The following MORF4L1 variants were observed in gnomAD, a reference collection of about 807,000 sequenced individuals.
The protein encoded by MORF4L1 is mortality factor 4 like 1, also known as mortality factor 4-like protein 1.
MORF4L1 carries 4 observed loss-of-function variants against 52.9 expected under a neutral mutation model. The ratio of observed to expected loss-of-function variants is 0.08; its 90% CI spans 0.04 to 0.17. The LOEUF (loss-of-function observed/expected upper bound fraction) is 0.17, where lower values mean the gene tolerates loss of function less well. Ranked by LOEUF, MORF4L1 falls within the 10% of genes least tolerant of loss-of-function variation. MORF4L1 has a pLI of 1.00. For missense variants in MORF4L1, 214 were observed against 390.4 expected (o/e 0.55, Z 3.81); for synonymous variants, 123 against 134.8 (o/e 0.91, Z 0.61).
At chr15:78,887,421 CTG>C (rs1339686655) in intron 5 of MORF4L1, 72 bp downstream of exon 5, 11 of 1,361,132 alleles carry the variant, frequency 8.1e-6, no homozygotes, top group South Asian at 4.1e-5. Flanking sequence ...GTGTGTTAGA[CTG>C]TGTTGAAGTG....
Position 78,878,334 on chromosome 15 carries a change from G to C in MORF4L1, c.87+75G>C. 4 of 1,349,344 alleles carry C rather than the reference G, an allele frequency of 3.0e-6. No individual in the cohort carries two copies. In the South Asian group the frequency reaches 5.4e-5, roughly 18 times the overall value. The allele number at this position is 1,349,344 out of a possible 1,614,324, so 83.6% of individuals were successfully genotyped here. A position where few individuals can be genotyped will look rare whatever the true frequency, so the allele number is the denominator to read the frequency against. ...TCTGGCCATTTAATATACAAGTACA[G>C]TATTTTGTTGTTGCCTCAGTAAGAG... is the stretch of plus-strand genomic sequence containing the variant. On this transcript the variant is annotated intron_variant, in intron 2 of 11. Coordinates refer to ENST00000426013, the MANE Select transcript of MORF4L1 (RefSeq NM_006791.4).
chr15:78,874,779 C>T (rs541491776), intron 1 of MORF4L1, among the ~76,000 whole-genome samples: 2 of 130,672 alleles, frequency 1.5e-5, no homozygotes, highest in South Asian at 4.6e-4. Flanking sequence ...GTTGACTCTA[C>T]CTCCTATGGG....
chr15:78,886,316 G>T, intron 4 of MORF4L1, 89 bp downstream of exon 4: 2 of 1,139,528 alleles, frequency 1.8e-6, no homozygotes, highest in Non-Finnish European at 2.6e-6. Context: ...CATGTTGGCT[G>T]CCCTGCCTAT....
rs780451975 is a variant in MORF4L1, at chr15:78,893,499, AAG to A, written c.541-35_541-34del. On this transcript the variant is annotated intron_variant, in intron 8 of 11. Coordinates refer to ENST00000426013, the MANE Select transcript of MORF4L1 (RefSeq NM_006791.4). ...TGCCTGGTATGATTTTTCTTTAAAA[AAG>A]AGAGTGCTTATATTTAAGCATATTT... 511 of 1,368,286 alleles carry A rather than the reference AAG, an allele frequency of 3.7e-4. 2 individuals carry two copies. Among genetic ancestry groups the A allele is most frequent in the Middle Eastern group, 3.4e-3 (19 of 5,552 alleles). The allele number at this position is 1,368,286 out of a possible 1,614,324, so 84.8% of individuals were successfully genotyped here. A position where few individuals can be genotyped will look rare whatever the true frequency, so the allele number is the denominator to read the frequency against.
At chr15:78,892,339 T>C in intron 8 of MORF4L1, 26 bp downstream of exon 8, 2 of 1,524,506 alleles carry the variant, frequency 1.3e-6, no homozygotes, top group Non-Finnish European at 1.8e-6. Context: ...ACCCAGATTG[T>C]TAAGCTATAT....
intron 3 of MORF4L1, among the ~76,000 whole-genome samples, chr15:78,881,282 G>A (rs905075546): frequency 1.6e-5 from 2 of 128,844 alleles, no homozygotes; most frequent in Non-Finnish European, 3.1e-5. Context: ...TGCAACCTCC[G>A]CCTCAGGGGT....
At chr15:78,881,188 C>CTTTTTTTTTTTT (rs777713555) in intron 3 of MORF4L1, among the ~76,000 whole-genome samples, 1 of 13,760 alleles carries the variant, frequency 7.3e-5, no homozygotes, top group Non-Finnish European at 1.3e-4. Flanking sequence ...AAGAGTTAAG[C>CTTTTTTTTTTTT]CTTTTTTTTT....
intron 1 of MORF4L1, among the ~76,000 whole-genome samples, chr15:78,877,519 A>C (rs1017624684): frequency 1.3e-5 from 2 of 152,232 alleles, no homozygotes; most frequent in Non-Finnish European, 2.9e-5. Context: ...TAATGTGTGC[A>C]AAATCTTTCA....
intron 5 of MORF4L1, among the ~76,000 whole-genome samples, chr15:78,889,998 G>C (rs1317237710): frequency 2.6e-5 from 4 of 151,980 alleles, no homozygotes; most frequent in Non-Finnish European, 5.9e-5. Flanking sequence ...CGAGGTATGC[G>C]AATCACTTGA....
At chr15:78,892,978 A>G (rs925099754) in intron 8 of MORF4L1, 4 of 153,536 alleles carry the variant, frequency 2.6e-5, no homozygotes, top group Non-Finnish European at 4.3e-5. Context: ...TAAACTGCGA[A>G]GATTCAAGCA....
rs780341505 is a variant in MORF4L1, at chr15:78,880,542, G to T, written c.118G>T (p.Val40Leu). The change falls in exon 3 of 12, where the codon GTG becomes TTG. Residue 40 changes from valine to leucine, a missense_variant. Coordinates refer to ENST00000426013, the MANE Select transcript of MORF4L1 (RefSeq NM_006791.4). The part of the protein sequence containing the change: ...CVKVAIKDKQ[V>L]KYFIHYSGWN... Reference sequence around the variant, plus strand: ...AAAGGTTGCCATAAAGGACAAACAAGTGAAATACTTCATACATTACAGTGG... The same window carrying T: ...AAAGGTTGCCATAAAGGACAAACAATTGAAATACTTCATACATTACAGTGG... The T allele has an allele frequency of 5.7e-5, 91 of 1,601,484 alleles. No individual in the cohort carries two copies. The highest frequency in any genetic ancestry group is 7.7e-5 in the Non-Finnish European group (90 of 1,174,200).
intron 6 of MORF4L1, 79 bp from the exon 7 acceptor site, chr15:78,891,405 T>A (rs10519215): frequency 0.13 from 140,789 of 1,043,498 alleles, 10,587 homozygotes; most frequent in East Asian, 0.26. Flanking sequence ...ATGAAAAGGG[T>A]TAATGTGTCA....
intron 3 of MORF4L1, among the ~76,000 whole-genome samples, chr15:78,884,678 C>G (rs1417906480): frequency 1.1e-5 from 1 of 94,314 alleles, no homozygotes; most frequent in East Asian, 3.2e-4. Context: ...CACACACACA[C>G]ACACACACAA....
intron 8 of MORF4L1, among the ~76,000 whole-genome samples, chr15:78,893,172 G>A (rs1451281309): frequency 6.6e-6 from 1 of 152,166 alleles, no homozygotes; most frequent in East Asian, 1.9e-4. Flanking sequence ...ATGATGACTT[G>A]GTAGTACCAC....
chr15:78,884,454 A>G (rs1392885493), intron 3 of MORF4L1, among the ~76,000 whole-genome samples: 1 of 151,954 alleles, frequency 6.6e-6, no homozygotes. Flanking sequence ...AGCCTGACCA[A>G]CATGGAGAAA....
rs1206528469 is a variant in MORF4L1, at chr15:78,892,362, C to T, written c.540+49C>T. On this transcript the variant is annotated intron_variant, in intron 8 of 11. Transcript: ENST00000426013. ...TGTTAAGCTATATGATACATTCTTG[C>T]TAGCAAAAAAAGTTTTTAAAGGAAA... The T allele has an allele frequency of 5.8e-6, 8 of 1,380,418 alleles. No homozygotes were observed. The East Asian group carries it at 1.8e-4, about 32-fold the overall frequency. 85.5% of individuals were successfully genotyped at this position (1,380,418 alleles called of 1,614,324 possible).
intron 3 of MORF4L1, among the ~76,000 whole-genome samples, chr15:78,882,613 A>G (rs1054829201): frequency 1.5e-4 from 23 of 152,186 alleles, no homozygotes; most frequent in African/African-American, 5.6e-4. Context: ...TATTCTGACA[A>G]TATCCAGATA....
chr15:78,873,121 G>C (rs1296111642), intron 1 of MORF4L1, 64 bp downstream of exon 1: 1 of 1,544,854 alleles, frequency 6.5e-7, no homozygotes, highest in East Asian at 2.5e-5. Flanking sequence ...GGCTCGAGGT[G>C]ATTGAGGCTT....
At chr15:78,875,673 G>C (rs1376260066) in intron 1 of MORF4L1, among the ~76,000 whole-genome samples, 1 of 151,800 alleles carries the variant, frequency 6.6e-6, no homozygotes, top group African/African-American at 2.4e-5. Flanking sequence ...TGTAATCCCG[G>C]CTACTCGGGC....
Sources: allele counts gnomAD v4.1 joint callset (sites outside exome capture counted in the v4.1 genomes callset), GRCh38; gene constraint gnomAD v4.1.1; transcripts MANE v1.5; gene names NCBI Gene and HGNC (gene_info 2026-07-23, HGNC 2026-07-21).